DOCK4: variants seen among roughly 807,000 people sequenced by gnomAD.
DOCK4 encodes dedicator of cytokinesis 4.
In DOCK4, 97 loss-of-function variants were observed where a neutral mutation model predicts 268.1. That is an observed-to-expected ratio of 0.36 (90% CI 0.31 to 0.43). The LOEUF (loss-of-function observed/expected upper bound fraction) is 0.43. Ranked by LOEUF, DOCK4 falls within the 20% of genes least tolerant of loss-of-function variation. The pLI is 1.00. For synonymous variants in DOCK4, 954 were observed against 887.2 expected, an observed-to-expected ratio of 1.08 and a Z score of -1.34; for missense variants, 2,145 against 2,455.7, an observed-to-expected ratio of 0.87 and a Z score of 2.67.
At chr7:112,093,027 G>T (rs1809778117) in intron 1 of DOCK4, among the ~76,000 whole-genome samples, 1 of 152,066 alleles carries the variant, frequency 6.6e-6, no homozygotes, top group African/African-American at 2.4e-5. Flanking sequence ...TCTCTCATAT[G>T]GGCATCATTA....
At chr7:111,859,421 A>T (rs1805294707) in intron 23 of DOCK4, among the ~76,000 whole-genome samples, 1 of 151,570 alleles carries the variant, frequency 6.6e-6, no homozygotes, top group Non-Finnish European at 1.5e-5. Flanking sequence ...TAATAAAAGA[A>T]TTTTTTTTTA....
At chr7:112,174,052 A>G (rs1200939402) in intron 1 of DOCK4, among the ~76,000 whole-genome samples, 6 of 149,660 alleles carry the variant, frequency 4.0e-5, no homozygotes, top group African/African-American at 1.5e-4. Context: ...CTCTGCACCA[A>G]TTCCCTCCTG....
At chr7:112,099,177 A>G (rs1208471172) in intron 1 of DOCK4, among the ~76,000 whole-genome samples, 1 of 152,018 alleles carries the variant, frequency 6.6e-6, no homozygotes, top group Non-Finnish European at 1.5e-5. Flanking sequence ...CTGTAGTCCC[A>G]ACTACTTGGG....
At chr7:111,834,887 A>G (rs1803117310) in intron 25 of DOCK4, among the ~76,000 whole-genome samples, 2 of 152,012 alleles carry the variant, frequency 1.3e-5, no homozygotes, top group African/African-American at 4.8e-5. Context: ...CCATTTATTT[A>G]CTTGGTATTC....
At chr7:111,907,216 C>T (rs1045384079) in intron 13 of DOCK4, among the ~76,000 whole-genome samples, 8 of 152,128 alleles carry the variant, frequency 5.3e-5, no homozygotes, top group Non-Finnish European at 8.8e-5. Context: ...ATCTATCATT[C>T]TCATTTTTGT....
chr7:112,147,412 T>G (rs907532279), intron 1 of DOCK4, among the ~76,000 whole-genome samples: 1 of 152,226 alleles, frequency 6.6e-6, no homozygotes, highest in Non-Finnish European at 1.5e-5. Flanking sequence ...TCAGTGCATG[T>G]CTACCACCTT....
chr7:112,172,491 A>G lies in DOCK4; in HGVS notation c.37+33611T>C, dbSNP rs898073090. Reference sequence around the variant, plus strand: ...GTCAAATACAGGCCAGGTAATTTCCACTTCCTTTGTATCAAGAGAACAAGT... The same window carrying G: ...GTCAAATACAGGCCAGGTAATTTCCGCTTCCTTTGTATCAAGAGAACAAGT... On this transcript the variant is annotated intron_variant, in intron 1 of 52. Transcript: ENST00000428084. 2.0e-5 allele frequency among the ~76,000 whole-genome samples: 3 copies of G among 152,320 alleles called. No homozygotes were observed. In the South Asian group the frequency reaches 6.2e-4, roughly 32 times the overall value.
chr7:111,958,283 G>C (rs1359146688), intron 8 of DOCK4, among the ~76,000 whole-genome samples: 1 of 152,120 alleles, frequency 6.6e-6, no homozygotes, highest in East Asian at 1.9e-4. Flanking sequence ...AAGGAACTAA[G>C]AAGAACTCAT....
chr7:111,962,617 C>T (rs1231189164), intron 8 of DOCK4, among the ~76,000 whole-genome samples: 1 of 152,060 alleles, frequency 6.6e-6, no homozygotes. Context: ...TTTCGGAATT[C>T]AGTATGAATC....
At chr7:111,731,406 A>G (rs985815699) in intron 52 of DOCK4, among the ~76,000 whole-genome samples, 1 of 152,246 alleles carries the variant, frequency 6.6e-6, no homozygotes, top group Non-Finnish European at 1.5e-5. Flanking sequence ...CACAAAGGAC[A>G]TGGAGCGTGT....
At chr7:111,948,994 T>C (rs887223868) in intron 8 of DOCK4, among the ~76,000 whole-genome samples, 3 of 152,198 alleles carry the variant, frequency 2.0e-5, no homozygotes, top group Non-Finnish European at 2.9e-5. Context: ...AGAACTCAGC[T>C]TTACTTAGTC....
intron 15 of DOCK4, among the ~76,000 whole-genome samples, chr7:111,897,387 C>T (rs556620505): frequency 1.3e-5 from 2 of 152,140 alleles, no homozygotes; most frequent in South Asian, 4.1e-4. Context: ...TTAATGCCTC[C>T]TTCTCATCCT....
At position 111,872,041 on chromosome 7, in the gene DOCK4, G is replaced by T. The variant is rs759290035; in HGVS notation, c.1976C>A (p.Pro659His). ...ACTCTCAATGTAAGTGTCCATTACA[G>T]GTTTAAAATGATGAAATTTGCTATC... The part of the protein sequence containing the change: ...LQDSKFHHFK[P>H]VMDTYIESHF... Residue 659 changes from proline (P) to histidine (H), a missense_variant, in exon 20 of 53, where the codon CCT becomes CAT. Around this residue, in one of 2 missense-constraint regions of DOCK4, gnomAD observed 1,598 missense variants for 1,986.7 expected, o/e 0.80. Transcript: ENST00000428084. 1.2e-5 allele frequency: 19 copies of T among 1,556,728 alleles called. No homozygotes were observed. The highest frequency in any genetic ancestry group is 1.5e-5 in the Non-Finnish European group (17 of 1,149,852).
rs551650454 is a variant in DOCK4 at position 112,105,724 on chromosome 7, T to C, written c.37+100378A>G. ...TTTTCTTCGAGGCAGCGTCTCAGTC[T>C]GTCACCTAGGCTGGAGTGCAGTGAT... is the stretch of plus-strand genomic sequence containing the variant. On this transcript the variant is annotated intron_variant, in intron 1 of 52. Coordinates refer to ENST00000428084, the MANE Select transcript of DOCK4 (RefSeq NM_001363540.2). Among the ~76,000 whole-genome samples, 170 of 150,166 alleles carry C rather than the reference T, an allele frequency of 1.1e-3. 1 individual carries two copies. Among genetic ancestry groups the C allele is most frequent in the Middle Eastern group, 0.01 (3 of 292 alleles).
intron 21 of DOCK4, among the ~76,000 whole-genome samples, chr7:111,868,650 C>A (rs1005031952): frequency 6.6e-6 from 1 of 151,402 alleles, no homozygotes; most frequent in African/African-American, 2.4e-5. Context: ...GCGGAGGTTG[C>A]AGTGAGCAGA....
intron 11 of DOCK4, among the ~76,000 whole-genome samples, chr7:111,937,878 G>A (rs1294787998): frequency 1.3e-5 from 2 of 152,218 alleles, no homozygotes; most frequent in African/African-American, 2.4e-5. Context: ...AACTGAGTAG[G>A]AGCGTCTGTC....
At chr7:111,817,967 C>T (rs923648044) in intron 27 of DOCK4, among the ~76,000 whole-genome samples, 1 of 152,178 alleles carries the variant, frequency 6.6e-6, no homozygotes, top group Non-Finnish European at 1.5e-5. Flanking sequence ...CTGCCAAATC[C>T]TGGGACCAAT....
At chr7:111,785,943 C>CTG (rs935746834) in intron 32 of DOCK4, among the ~76,000 whole-genome samples, 1 of 152,120 alleles carries the variant, frequency 6.6e-6, no homozygotes, top group African/African-American at 2.4e-5. Flanking sequence ...TGAAAGAAAT[C>CTG]TGTGTGTGTG....
intron 25 of DOCK4, among the ~76,000 whole-genome samples, chr7:111,837,269 A>G (rs1803311507): frequency 6.6e-6 from 1 of 152,138 alleles, no homozygotes; most frequent in South Asian, 2.1e-4. Flanking sequence ...CCCAAAAACT[A>G]TTAACCAAGA....
Sources: gnomAD v4.1 joint callset for allele counts (sites outside exome capture counted in the v4.1 genomes callset) on GRCh38, gnomAD v4.1.1 for gene constraint, gnomAD v4.1.1 regional missense constraint, MANE v1.5 for transcripts, NCBI Gene and HGNC (gene_info 2026-07-23, HGNC 2026-07-21) for gene names.